NKAIN2: variants seen among roughly 807,000 people sequenced by gnomAD.
NKAIN2 encodes sodium/potassium transporting ATPase interacting 2.
NKAIN2 carries 14 observed loss-of-function variants against 32.6 expected under a neutral mutation model. The ratio of observed to expected loss-of-function variants is 0.43; its 90% confidence interval spans 0.28 to 0.67. NKAIN2 has a LOEUF of 0.67. Ranked by LOEUF, NKAIN2 falls within the 30% of genes least tolerant of loss-of-function variation. The probability of loss-of-function intolerance (pLI) is 0.17; values close to 1 mark genes in which losing one functional copy is unlikely to be tolerated. For missense variants in NKAIN2, 198 were observed against 258.3 expected (o/e 0.77, Z 1.60); for synonymous variants, 80 against 87.2 (o/e 0.92, Z 0.46).
chr6:124,398,265 A>G (rs1430683668), intron 3 of NKAIN2, among the ~76,000 whole-genome samples: 2 of 146,460 alleles, frequency 1.4e-5, no homozygotes, highest in East Asian at 3.9e-4. Context: ...AAAAAAAAAA[A>G]AAAAAAAAAA....
chr6:123,871,666 C>T (rs190753110), intron 1 of NKAIN2, among the ~76,000 whole-genome samples: 13 of 152,250 alleles, frequency 8.5e-5, no homozygotes, highest in Admixed American at 2.0e-4. Flanking sequence ...CAATTAGTTG[C>T]CTGGATATAG....
intron 4 of NKAIN2, among the ~76,000 whole-genome samples, chr6:124,710,429 G>A (rs941027268): frequency 6.6e-6 from 1 of 150,444 alleles, no homozygotes; most frequent in Non-Finnish European, 1.5e-5. Flanking sequence ...TGACAGTGGG[G>A]TGTTAAAGTC....
At chr6:123,941,471 A>T (rs900140534) in intron 1 of NKAIN2, among the ~76,000 whole-genome samples, 1 of 151,864 alleles carries the variant, frequency 6.6e-6, no homozygotes, top group African/African-American at 2.4e-5. Context: ...ACACATGAGT[A>T]ATGCCTCTCA....
chr6:123,878,747 T>C, intron 1 of NKAIN2, among the ~76,000 whole-genome samples: 1 of 152,138 alleles, frequency 6.6e-6, no homozygotes, highest in Non-Finnish European at 1.5e-5. Flanking sequence ...CTGTTTCCTT[T>C]CTTTCTGTAC....
chr6:124,256,908 T>G (rs1455354271), intron 1 of NKAIN2, among the ~76,000 whole-genome samples: 34 of 138,244 alleles, frequency 2.5e-4, no homozygotes, highest in African/African-American at 9.7e-4. Context: ...TTTTTTTTTT[T>G]TGGTAAAATA....
At chr6:124,348,167 A>AAT (rs1562505137) in intron 2 of NKAIN2, among the ~76,000 whole-genome samples, 3 of 152,068 alleles carry the variant, frequency 2.0e-5, no homozygotes, top group African/African-American at 7.2e-5. Context: ...GTGATCCGCG[A>AAT]ATGCTGCTGT....
intron 3 of NKAIN2, among the ~76,000 whole-genome samples, chr6:124,532,810 G>C (rs542300348): frequency 5.3e-5 from 8 of 152,272 alleles, no homozygotes; most frequent in African/African-American, 1.9e-4. Flanking sequence ...CGTCCTCTTT[G>C]TTTTTTGTGC....
At chr6:124,309,484 G>A (rs1176755676) in intron 2 of NKAIN2, among the ~76,000 whole-genome samples, 1 of 151,562 alleles carries the variant, frequency 6.6e-6, no homozygotes, top group Non-Finnish European at 1.5e-5. Context: ...AATGTATTAG[G>A]GTTTTAAATA....
At chr6:123,991,599 A>G (rs776053823) in intron 1 of NKAIN2, among the ~76,000 whole-genome samples, 2 of 152,212 alleles carry the variant, frequency 1.3e-5, no homozygotes, top group African/African-American at 2.4e-5. Flanking sequence ...ACGGTGGCTC[A>G]TGCCTGTAAT....
intron 1 of NKAIN2, among the ~76,000 whole-genome samples, chr6:124,009,696 A>G (rs766042648): frequency 6.6e-6 from 1 of 152,140 alleles, no homozygotes; most frequent in African/African-American, 2.4e-5. Flanking sequence ...TCCTAATTCT[A>G]AGGCTTATTA....
intron 1 of NKAIN2, among the ~76,000 whole-genome samples, chr6:124,033,108 TAGAGA>T (rs1781474274): frequency 6.6e-6 from 1 of 152,052 alleles, no homozygotes; most frequent in Non-Finnish European, 1.5e-5. Flanking sequence ...AGCCAAAATG[TAGAGA>T]AAAGAGAGGC....
At chr6:123,902,051 A>G (rs1265828346) in intron 1 of NKAIN2, among the ~76,000 whole-genome samples, 1 of 152,240 alleles carries the variant, frequency 6.6e-6, no homozygotes, top group Admixed American at 6.5e-5. Flanking sequence ...CTGTAGAAGC[A>G]TAGCCTCAGA....
chr6:124,616,331 G>T (rs578003915), intron 3 of NKAIN2, among the ~76,000 whole-genome samples: 3 of 151,662 alleles, frequency 2.0e-5, no homozygotes, highest in African/African-American at 7.3e-5. Flanking sequence ...AGCTCACTTG[G>T]CCATATGAGA....
At chr6:124,466,750 GA>G (rs5879737) in intron 3 of NKAIN2, among the ~76,000 whole-genome samples, 107,668 of 143,920 alleles carry the variant, frequency 0.75, 39,464 homozygotes, top group African/African-American at 0.78. Context: ...AGTAAAAAAA[GA>G]AAAAAAAAAA....
intron 1 of NKAIN2, among the ~76,000 whole-genome samples, chr6:124,234,077 C>T (rs1792609444): frequency 6.6e-6 from 1 of 152,084 alleles, no homozygotes; most frequent in Non-Finnish European, 1.5e-5. Context: ...TCAAGGCACC[C>T]CAATTCTCTC....
chr6:124,439,714 A>C (rs1314965152), intron 3 of NKAIN2, among the ~76,000 whole-genome samples: 1 of 152,010 alleles, frequency 6.6e-6, no homozygotes, highest in Admixed American at 6.6e-5. Context: ...CCAATAAAAC[A>C]GTAACACAAG....
In NKAIN2 at chr6:123,965,305, A is replaced by G. The variant is rs139255242; in HGVS notation, c.54+161051A>G. 1.1e-4 allele frequency among the ~76,000 whole-genome samples: 17 copies of G among 152,304 alleles called. No homozygotes were observed. The East Asian group carries it at 3.1e-3, about 28-fold the overall frequency. On this transcript the variant is annotated intron_variant, in intron 1 of 6. Transcript: ENST00000368417. Reference sequence around the variant, plus strand: ...AATAGAGACAATTTGTTTGCCAGTAATATATGCCTTTTAATTTTTGGTGAA... The same window carrying G: ...AATAGAGACAATTTGTTTGCCAGTAGTATATGCCTTTTAATTTTTGGTGAA...
intron 1 of NKAIN2, among the ~76,000 whole-genome samples, chr6:124,261,018 A>C (rs2114842274): frequency 6.6e-6 from 1 of 152,314 alleles, no homozygotes; most frequent in South Asian, 2.1e-4. Flanking sequence ...ACTGCCCGCA[A>C]GAAATTCTCA....
chr6:124,563,901 A>AG (rs1380922348), intron 3 of NKAIN2, among the ~76,000 whole-genome samples: 1 of 152,072 alleles, frequency 6.6e-6, no homozygotes, highest in Non-Finnish European at 1.5e-5. Flanking sequence ...CATGTAGAGG[A>AG]GGGGTCCCAG....
Sources: allele counts gnomAD v4.1 joint callset (sites outside exome capture counted in the v4.1 genomes callset), GRCh38; gene constraint gnomAD v4.1.1; transcripts MANE v1.5; gene names NCBI Gene and HGNC (gene_info 2026-07-23, HGNC 2026-07-21).